Variants in IL1RAPL2 observed in about 807,000 individuals in gnomAD.
The protein encoded by IL1RAPL2 is interleukin 1 receptor accessory protein like 2.
Under a neutral mutation model 44.1 loss-of-function variants are expected in IL1RAPL2, and 3 were observed. The ratio of observed to expected loss-of-function variants is 0.07; its 90% CI spans 0.03 to 0.18. IL1RAPL2 has a LOEUF of 0.18. IL1RAPL2 is among the 10% of genes least tolerant of loss of function. The pLI, the probability that IL1RAPL2 is intolerant of heterozygous loss-of-function variation, is 1.00. For synonymous variants in IL1RAPL2, 181 were observed against 178.8 expected, an observed-to-expected ratio of 1.01 and a Z score of -0.10; for missense variants, 391 against 496.4, an observed-to-expected ratio of 0.79 and a Z score of 2.02.
At chrX:105,759,030 A>C (rs1221701891) in intron 10 of IL1RAPL2, among the ~76,000 whole-genome samples, 1 of 112,055 alleles carries the variant, frequency 8.9e-6, no homozygotes, top group Non-Finnish European at 1.9e-5. Context: ...CTGACATGTG[A>C]CCAACAGAAC....
intron 2 of IL1RAPL2, among the ~76,000 whole-genome samples, chrX:104,660,634 C>A (rs925625843): frequency 1.9e-5 from 2 of 104,526 alleles, no homozygotes; most frequent in African/African-American, 3.5e-5. Context: ...CACACACACA[C>A]ACACACATAC....
At chrX:104,722,858 C>T (rs944963627) in intron 2 of IL1RAPL2, among the ~76,000 whole-genome samples, 1 of 111,410 alleles carries the variant, frequency 9.0e-6, no homozygotes, top group African/African-American at 3.3e-5. Flanking sequence ...TAGCAAGGAG[C>T]ATATATGATA....
chrX:105,138,966 A>G (rs2033101819), intron 2 of IL1RAPL2, among the ~76,000 whole-genome samples: 2 of 111,285 alleles, frequency 1.8e-5, no homozygotes, highest in African/African-American at 6.5e-5. Flanking sequence ...CTTTAGATTC[A>G]TGATAATGAG....
chrX:104,752,355 TATC>T (rs990122100), intron 2 of IL1RAPL2, among the ~76,000 whole-genome samples: 1 of 110,820 alleles, frequency 9.0e-6, no homozygotes, highest in African/African-American at 3.3e-5. Context: ...TATATTCAAT[TATC>T]ATTTCTTGGA....
At chrX:105,614,653 T>C (rs1050927948) in intron 6 of IL1RAPL2, among the ~76,000 whole-genome samples, 7 of 111,675 alleles carry the variant, frequency 6.3e-5, no homozygotes, top group African/African-American at 2.3e-4. Flanking sequence ...ACTGGACCCA[T>C]ATCTCTCTCC....
intron 6 of IL1RAPL2, among the ~76,000 whole-genome samples, chrX:105,686,769 C>G (rs1022051709): frequency 8.9e-6 from 1 of 111,875 alleles, no homozygotes; most frequent in African/African-American, 3.3e-5. Flanking sequence ...ACAGAATATA[C>G]ATTCTTTTCA....
chrX:105,666,207 G>A (rs1569463340), intron 6 of IL1RAPL2, among the ~76,000 whole-genome samples: 1 of 110,233 alleles, frequency 9.1e-6, no homozygotes, highest in Non-Finnish European at 1.9e-5. Context: ...GATCTGGCCA[G>A]CAGCCCACAA....
chrX:104,705,673 A>T (rs1329821135), intron 2 of IL1RAPL2, among the ~76,000 whole-genome samples: 2 of 111,528 alleles, frequency 1.8e-5, no homozygotes, highest in Non-Finnish European at 3.8e-5. Context: ...ATGTATCAAA[A>T]ATGAAACGTT....
chrX:104,907,568 G>A (rs1392554661), intron 2 of IL1RAPL2, among the ~76,000 whole-genome samples: 2 of 111,963 alleles, frequency 1.8e-5, no homozygotes, highest in Admixed American at 9.5e-5. Context: ...GTACCCAGTC[G>A]TCATTCAGGA....
intron 4 of IL1RAPL2, among the ~76,000 whole-genome samples, chrX:105,251,711 TA>T (rs1208111097): frequency 1.8e-5 from 2 of 110,003 alleles, no homozygotes; most frequent in African/African-American, 6.6e-5. Flanking sequence ...ATACTACCAT[TA>T]ACATGGATAA....
At chrX:105,334,489 G>T (rs1478169511) in intron 5 of IL1RAPL2, among the ~76,000 whole-genome samples, 2 of 111,172 alleles carry the variant, frequency 1.8e-5, no homozygotes, top group African/African-American at 6.5e-5. Context: ...TAATTTAATT[G>T]TACATTTTAA....
Position 105,304,046 on chromosome X carries a change from A to G in IL1RAPL2, c.697+36505A>G, listed in dbSNP as rs779067383. On this transcript the variant is annotated intron_variant, in intron 5 of 10. Transcript: ENST00000372582. ...AGCCCCTGGTTTAAAGAAGCCAGGC[A>G]TCCACTTGGGCTTTCCTCTGGGCCA... Among the ~76,000 whole-genome samples, 145 of 113,090 alleles carry G rather than the reference A, an allele frequency of 1.3e-3. 1 individual carries two copies. The highest frequency in any genetic ancestry group is 4.6e-3 in the Middle Eastern group (1 of 219).
intron 2 of IL1RAPL2, among the ~76,000 whole-genome samples, chrX:104,827,377 C>T (rs767938899): frequency 9.0e-6 from 1 of 111,188 alleles, no homozygotes; most frequent in South Asian, 3.8e-4. Flanking sequence ...TTCTCCTTCC[C>T]TTATGAAGCT....
intron 2 of IL1RAPL2, among the ~76,000 whole-genome samples, chrX:104,761,914 T>TCTCCTG (rs1379076862): frequency 4.8e-5 from 2 of 41,902 alleles, no homozygotes; most frequent in East Asian, 1.0e-3. Flanking sequence ...TCCTTCTCCT[T>TCTCCTG]CTCCTTCTCC....
At chrX:105,163,650 G>A (rs2033346281) in intron 2 of IL1RAPL2, among the ~76,000 whole-genome samples, 1 of 111,814 alleles carries the variant, frequency 8.9e-6, no homozygotes, top group African/African-American at 3.3e-5. Flanking sequence ...AATACATTCT[G>A]TGCTTTTTAC....
chrX:105,261,619 A>G (rs1179357668), intron 4 of IL1RAPL2, among the ~76,000 whole-genome samples: 2 of 110,964 alleles, frequency 1.8e-5, no homozygotes, highest in Non-Finnish European at 3.8e-5. Flanking sequence ...AGGTTTTTAG[A>G]TTTTTCTGGC....
chrX:105,512,230 G>A (rs1450981490), intron 6 of IL1RAPL2, among the ~76,000 whole-genome samples: 1 of 111,169 alleles, frequency 9.0e-6, no homozygotes, highest in Non-Finnish European at 1.9e-5. Flanking sequence ...ACTCTCCTCC[G>A]GGGTTTCTTA....
intron 6 of IL1RAPL2, among the ~76,000 whole-genome samples, chrX:105,515,513 A>T (rs1377548313): frequency 9.2e-6 from 1 of 108,260 alleles, no homozygotes; most frequent in Non-Finnish European, 1.9e-5. Flanking sequence ...CTTAGACCTT[A>T]AAAAAAAAAT....
At chrX:105,324,566 C>G (rs1338978600) in intron 5 of IL1RAPL2, among the ~76,000 whole-genome samples, 1 of 111,427 alleles carries the variant, frequency 9.0e-6, no homozygotes, top group Non-Finnish European at 1.9e-5. Flanking sequence ...TTTTTCTTCT[C>G]TATCACCACT....
Sources: allele counts gnomAD v4.1 joint callset (sites outside exome capture counted in the v4.1 genomes callset), GRCh38; gene constraint gnomAD v4.1.1; transcripts MANE v1.5; gene names NCBI Gene and HGNC (gene_info 2026-07-23, HGNC 2026-07-21).